The following RFX3 variants were observed in gnomAD, a reference collection of about 807,000 sequenced individuals.
RFX3 encodes transcription factor RFX3.
In RFX3, 14 loss-of-function variants were observed where a neutral mutation model predicts 98.6. The observed-to-expected ratio is 0.14, with a 90% confidence interval of 0.09 to 0.22. The LOEUF (loss-of-function observed/expected upper bound fraction) is 0.22, where lower values mean the gene tolerates loss of function less well. Ranked by LOEUF, RFX3 falls within the 10% of genes least tolerant of loss-of-function variation. The pLI is 1.00. For missense variants in RFX3, 639 were observed against 926.9 expected, an observed-to-expected ratio of 0.69 and a Z score of 4.03; for synonymous variants, 383 against 328.4, an observed-to-expected ratio of 1.17 and a Z score of -1.80.
intron 4 of RFX3, among the ~76,000 whole-genome samples, chr9:3,315,276 TG>T (rs1469905335): frequency 7.3e-6 from 1 of 137,900 alleles, no homozygotes; most frequent in Admixed American, 6.9e-5. Flanking sequence ...GAATGACTAC[TG>T]GGTACATACG....
intron 1 of RFX3, among the ~76,000 whole-genome samples, chr9:3,482,215 A>G (rs1849828487): frequency 1.3e-5 from 2 of 150,828 alleles, no homozygotes; most frequent in Admixed American, 6.7e-5. Flanking sequence ...GATGTTCAAA[A>G]TATGAGTGTG....
At chr9:3,452,022 ATC>A (rs1846686363) in intron 1 of RFX3, among the ~76,000 whole-genome samples, 1 of 152,184 alleles carries the variant, frequency 6.6e-6, no homozygotes, top group African/African-American at 2.4e-5. Context: ...ATATTTCTGC[ATC>A]TGAGTTCTGC....
intron 15 of RFX3, among the ~76,000 whole-genome samples, chr9:3,245,009 C>G (rs576746873): frequency 6.6e-6 from 1 of 152,216 alleles, no homozygotes; most frequent in Admixed American, 6.5e-5. Context: ...ATGATTTGCC[C>G]AAGATTATAC....
At chr9:3,423,071 T>C (rs922144147) in intron 1 of RFX3, among the ~76,000 whole-genome samples, 4 of 152,228 alleles carry the variant, frequency 2.6e-5, no homozygotes, top group African/African-American at 9.6e-5. Context: ...AGATTCCTGA[T>C]GACTACAGGC....
intron 1 of RFX3, among the ~76,000 whole-genome samples, chr9:3,432,340 A>G (rs1844726856): frequency 6.6e-6 from 1 of 152,170 alleles, no homozygotes. Flanking sequence ...TTTAAGGCAC[A>G]TAGTACTCAA....
At chr9:3,388,437 T>G (rs962538093) in intron 2 of RFX3, among the ~76,000 whole-genome samples, 1 of 152,248 alleles carries the variant, frequency 6.6e-6, no homozygotes, top group East Asian at 1.9e-4. Flanking sequence ...TATGCTCAGT[T>G]TGCAGGATAT....
chr9:3,264,497 C>A (rs754459070), intron 12 of RFX3, among the ~76,000 whole-genome samples: 1 of 152,078 alleles, frequency 6.6e-6, no homozygotes, highest in Non-Finnish European at 1.5e-5. Flanking sequence ...CAAAAAAGAA[C>A]CTTATTCCAT....
At position 3,258,749 on chromosome 9, in the gene RFX3, T is replaced by A. The variant is rs369818064; in HGVS notation, c.1606-1550A>T. On this transcript the variant is annotated intron_variant, in intron 13 of 16. Coordinates refer to ENST00000617270, the MANE Select transcript of RFX3 (RefSeq NM_001282116.2). ...AGTAAGAAATTACAGCATATTGATG[T>A]ATGTACCTTTCAAACTTTTCACATG... is the stretch of plus-strand genomic sequence containing the variant. Among the ~76,000 whole-genome samples the A allele has an allele frequency of 2.0e-4, 31 of 152,034 alleles. 1 individual carries two copies. The East Asian group carries it at 3.7e-3, about 18-fold the overall frequency.
intron 1 of RFX3, chr9:3,400,259 A>C: frequency 1.0e-6 from 1 of 963,466 alleles, no homozygotes; most frequent in East Asian, 1.1e-4. Context: ...AAGAAAAGAA[A>C]AAGTTGTCAA....
At chr9:3,443,014 T>C (rs989499809) in intron 1 of RFX3, among the ~76,000 whole-genome samples, 3 of 152,044 alleles carry the variant, frequency 2.0e-5, no homozygotes, top group Non-Finnish European at 4.4e-5. Context: ...TAAAGAACTC[T>C]CAAAACTCAA....
chr9:3,426,745 T>A (rs939837390), intron 1 of RFX3, among the ~76,000 whole-genome samples: 7 of 152,194 alleles, frequency 4.6e-5, no homozygotes, highest in Non-Finnish European at 8.8e-5. Flanking sequence ...CTGTCTCCTG[T>A]CACCCCCAGA....
chr9:3,348,764 C>T (rs1398867993), intron 2 of RFX3, among the ~76,000 whole-genome samples: 4 of 151,634 alleles, frequency 2.6e-5, no homozygotes, highest in African/African-American at 9.7e-5. Flanking sequence ...GATTTTCAAT[C>T]CTAGCAATCT....
rs758163967 is a variant in RFX3 at position 3,288,165 on chromosome 9, C to T, written c.817G>A (p.Ala273Thr). Residue 273 changes from alanine to threonine, a missense_variant, in exon 7 of 17, where the codon GCT becomes ACT. Ala to Thr is a moderately conservative substitution (Grantham distance 58). This residue lies in a region of RFX3 where 86 missense variants were observed against 113.2 expected (regional missense o/e 0.76). Transcript: ENST00000617270. ...NRLQEDMQYM[A>T]MRQQPMQQKQ... ...TGTTGCATGGGTTGTTGTCTCATAG[C>T]CATATACTGCATGTCTTCTTGCAGA... 11 of 1,612,676 alleles carry T rather than the reference C, an allele frequency of 6.8e-6. No individual in the cohort carries two copies. The highest frequency in any genetic ancestry group is 7.6e-6 in the Non-Finnish European group (9 of 1,179,014).
chr9:3,301,503 G>C (rs780369708), intron 5 of RFX3, 43 bp downstream of exon 5: 24 of 1,362,142 alleles, frequency 1.8e-5, no homozygotes, highest in Non-Finnish European at 2.5e-5. Context: ...AACACATGCA[G>C]AACAAGCAAG....
At chr9:3,446,404 G>A (rs928254384) in intron 1 of RFX3, among the ~76,000 whole-genome samples, 2 of 151,948 alleles carry the variant, frequency 1.3e-5, no homozygotes, top group Non-Finnish European at 2.9e-5. Context: ...ATAATTTGAT[G>A]CAAGAATTAA....
chr9:3,296,021 G>A (rs1269579962), intron 5 of RFX3, among the ~76,000 whole-genome samples: 1 of 151,724 alleles, frequency 6.6e-6, no homozygotes, highest in Non-Finnish European at 1.5e-5. Context: ...AGACAAACAT[G>A]TAAAAATGAG....
chr9:3,515,829 C>CT (rs1761789612), intron 1 of RFX3, among the ~76,000 whole-genome samples: 1 of 152,076 alleles, frequency 6.6e-6, no homozygotes, highest in South Asian at 2.1e-4. Context: ...TTGAAAATGT[C>CT]TAAGTTAATC....
intron 1 of RFX3, among the ~76,000 whole-genome samples, chr9:3,439,137 A>C (rs1488654897): frequency 6.6e-6 from 1 of 151,930 alleles, no homozygotes. Flanking sequence ...GAAATTAAAA[A>C]AAATAAAAAT....
intron 2 of RFX3, among the ~76,000 whole-genome samples, chr9:3,350,086 A>C (rs182485598): frequency 9.9e-4 from 150 of 152,240 alleles, no homozygotes; most frequent in African/African-American, 3.3e-3. Flanking sequence ...ACATAACACC[A>C]AAGGTGTAAT....
Sources: allele counts gnomAD v4.1 joint callset (sites outside exome capture counted in the v4.1 genomes callset), GRCh38; gene constraint gnomAD v4.1.1; regional missense constraint gnomAD v4.1.1; transcripts MANE v1.5; gene names NCBI Gene and HGNC (gene_info 2026-07-23, HGNC 2026-07-21).